Variants in RALGAPA1 observed in about 807,000 individuals in gnomAD.
RALGAPA1 encodes the protein Ral GTPase activating protein catalytic subunit alpha 1.
In RALGAPA1, 52 loss-of-function variants were observed where a neutral mutation model predicts 269.6. That is an observed-to-expected ratio of 0.19 (90% CI 0.15 to 0.24). The LOEUF (loss-of-function observed/expected upper bound fraction) is 0.24. Ranked by LOEUF, RALGAPA1 falls within the 10% of genes least tolerant of loss-of-function variation. The pLI is 1.00. For missense variants in RALGAPA1, 1,917 were observed against 3,013.9 expected, an observed-to-expected ratio of 0.64 and a Z score of 8.52; for synonymous variants, 817 against 1,008.3, an observed-to-expected ratio of 0.81 and a Z score of 3.60.
At chr14:35,702,771 G>A (rs1244990829) in intron 16 of RALGAPA1, among the ~76,000 whole-genome samples, 3 of 140,756 alleles carry the variant, frequency 2.1e-5, no homozygotes, top group East Asian at 2.0e-4. Context: ...ACGGAGTCTC[G>A]CTATGTCACC....
chr14:35,654,922 C>T (rs2063076439), intron 29 of RALGAPA1, among the ~76,000 whole-genome samples: 1 of 152,192 alleles, frequency 6.6e-6, no homozygotes, highest in African/African-American at 2.4e-5. Context: ...TTCACCCACA[C>T]TTCAAACCCC....
At chr14:35,579,297 T>G (rs1186063820) in intron 37 of RALGAPA1, among the ~76,000 whole-genome samples, 1 of 152,160 alleles carries the variant, frequency 6.6e-6, no homozygotes, top group Non-Finnish European at 1.5e-5. Flanking sequence ...GTAGGCAGGC[T>G]GGTGGGGCCA....
At chr14:35,700,531 C>T (rs1303444552) in intron 16 of RALGAPA1, among the ~76,000 whole-genome samples, 2 of 152,044 alleles carry the variant, frequency 1.3e-5, no homozygotes, top group African/African-American at 4.8e-5. Context: ...CAGAAAAATG[C>T]TATTATTATT....
intron 11 of RALGAPA1, among the ~76,000 whole-genome samples, chr14:35,741,964 T>C (rs575551291): frequency 6.6e-6 from 1 of 152,318 alleles, no homozygotes; most frequent in Admixed American, 6.5e-5. Context: ...CACTGTAGCT[T>C]ATGCTGGGTA....
At chr14:35,618,711 T>C (rs960407224) in intron 35 of RALGAPA1, among the ~76,000 whole-genome samples, 12 of 151,994 alleles carry the variant, frequency 7.9e-5, no homozygotes, top group African/African-American at 2.7e-4. Flanking sequence ...AGACAGACAA[T>C]AAAATGCTTA....
intron 37 of RALGAPA1, among the ~76,000 whole-genome samples, chr14:35,576,344 AAG>A (rs2057556658): frequency 1.3e-5 from 2 of 152,336 alleles, no homozygotes; most frequent in South Asian, 4.1e-4. Context: ...AAGTTCTTTT[AAG>A]CAGGTACAAT....
chr14:35,572,835 G>A (rs1231513876), intron 37 of RALGAPA1, 117 bp from the exon 38 acceptor site: 3 of 664,308 alleles, frequency 4.5e-6, no homozygotes, highest in African/African-American at 1.8e-5. Context: ...AATTGCACTT[G>A]ATCAGTTTTA....
At chr14:35,557,472 A>G (rs886612576) in intron 39 of RALGAPA1, among the ~76,000 whole-genome samples, 1 of 152,148 alleles carries the variant, frequency 6.6e-6, no homozygotes, top group African/African-American at 2.4e-5. Context: ...AGTACAGTAA[A>G]CTGTCATTTA....
chr14:35,689,860 G>T lies in RALGAPA1; in HGVS notation c.2551C>A (p.Pro851Thr). ...RSSSTSDILE[P>T]FTVERAKGAV... ...CCTTTGGCTCGTTCAACAGTGAATG[G>T]TTCCAAGATGTCAGAAGTGCTGCTA... Residue 851 changes from proline to threonine, a missense_variant, in exon 18 of 42, where the codon CCA becomes ACA. By Grantham distance (38) the Pro-to-Thr change is conservative. Transcript: ENST00000680220. The T allele has an allele frequency of 6.2e-7, 1 of 1,604,814 alleles. No individual in the cohort carries two copies. Among genetic ancestry groups the T allele is most frequent in the Non-Finnish European group, 8.5e-7 (1 of 1,176,894 alleles).
At chr14:35,540,175 A>G (rs2053836925) in intron 41 of RALGAPA1, among the ~76,000 whole-genome samples, 1 of 152,140 alleles carries the variant, frequency 6.6e-6, no homozygotes, top group South Asian at 2.1e-4. Flanking sequence ...ATGCCCTTAT[A>G]AACAAAACAA....
chr14:35,696,387 T>TA (rs200214400), intron 17 of RALGAPA1, among the ~76,000 whole-genome samples: 32 of 150,774 alleles, frequency 2.1e-4, no homozygotes, highest in East Asian at 1.8e-3. Flanking sequence ...CAGAGCAAAT[T>TA]AAAAAAAAAA....
chr14:35,760,747 T>C (rs1221541116), intron 6 of RALGAPA1, 82 bp downstream of exon 6: 1 of 976,182 alleles, frequency 1.0e-6, no homozygotes. Context: ...AGTTAATGAA[T>C]GCACAGACAT....
At chr14:35,774,827 A>G (rs1418614116) in intron 3 of RALGAPA1, among the ~76,000 whole-genome samples, 179 bp downstream of exon 3, 2 of 152,210 alleles carry the variant, frequency 1.3e-5, no homozygotes, top group Non-Finnish European at 1.5e-5. Flanking sequence ...AAAGTAATAC[A>G]TTGTACCTCA....
At chr14:35,622,306 T>C (rs768886780) in intron 35 of RALGAPA1, among the ~76,000 whole-genome samples, 13 of 152,252 alleles carry the variant, frequency 8.5e-5, no homozygotes, top group South Asian at 6.2e-4. Context: ...TAGGTGGGAA[T>C]TGAACAATGA....
At chr14:35,797,769 C>T (rs1261986826) in intron 1 of RALGAPA1, among the ~76,000 whole-genome samples, 8 of 149,270 alleles carry the variant, frequency 5.4e-5, no homozygotes, top group Non-Finnish European at 1.2e-4. Context: ...TGCTTGAACC[C>T]GGGATACGGA....
At chr14:35,775,436 A>G (rs975675034) in intron 2 of RALGAPA1, among the ~76,000 whole-genome samples, 199 bp downstream of exon 2, 55 of 152,204 alleles carry the variant, frequency 3.6e-4, no homozygotes, top group Admixed American at 1.8e-3. Flanking sequence ...AGCCATTGTA[A>G]AGTAATAAGG....
chr14:35,569,408 C>A (rs2056983819), intron 39 of RALGAPA1, among the ~76,000 whole-genome samples: 1 of 152,124 alleles, frequency 6.6e-6, no homozygotes, highest in Non-Finnish European at 1.5e-5. Context: ...GTGTGCCAGG[C>A]ACTGTTTTAA....
At chr14:35,640,512 C>T (rs766979111) in intron 31 of RALGAPA1, among the ~76,000 whole-genome samples, 1 of 152,144 alleles carries the variant, frequency 6.6e-6, no homozygotes, top group Non-Finnish European at 1.5e-5. Context: ...AACTCCTAGA[C>T]ACATAAAATC....
rs967778726 is a variant in RALGAPA1 at position 35,674,084 on chromosome 14, G to A, written c.4917+96C>T. The A allele has an allele frequency of 1.5e-5, 13 of 862,486 alleles. No individual in the cohort carries two copies. The Admixed American group carries it at 3.1e-4, about 21-fold the overall frequency. The allele number at this position is 862,486 out of a possible 1,614,324, so 53.4% of individuals were successfully genotyped here. A position where few individuals can be genotyped will look rare whatever the true frequency, so the allele number is the denominator to read the frequency against. ...TAAGGATACTGGTTAAAAACTAAGT[G>A]CTCTAGAAGTCTATATAATAGCCAA... On this transcript the variant is annotated intron_variant, in intron 24 of 41. Coordinates refer to ENST00000680220, the MANE Select transcript of RALGAPA1 (RefSeq NM_001346249.2).
Sources: allele counts gnomAD v4.1 joint callset (sites outside exome capture counted in the v4.1 genomes callset), GRCh38; gene constraint gnomAD v4.1.1; transcripts MANE v1.5; gene names NCBI Gene and HGNC (gene_info 2026-07-23, HGNC 2026-07-21).